PTPRO: variants seen among roughly 807,000 people sequenced by gnomAD.
The protein encoded by PTPRO is receptor-type tyrosine-protein phosphatase O.
In PTPRO, 62 loss-of-function variants were observed where a neutral mutation model predicts 145.2. The ratio of observed to expected loss-of-function variants is 0.43; its 90% CI spans 0.35 to 0.53. The LOEUF (loss-of-function observed/expected upper bound fraction) is 0.53, where lower values mean the gene tolerates loss of function less well. Among genes scored for constraint, PTPRO ranks in the 20% least tolerant of loss-of-function variants. The pLI is 0.01. For missense variants in PTPRO, 1,345 were observed against 1,482.7 expected (o/e 0.91, Z 1.53); for synonymous variants, 565 against 514.7 (o/e 1.10, Z -1.32).
chr12:15,530,626 C>A (rs7316088), intron 12 of PTPRO, among the ~76,000 whole-genome samples: 40 of 152,074 alleles, frequency 2.6e-4, no homozygotes, highest in Middle Eastern at 3.4e-3. Flanking sequence ...CCTGAACAAC[C>A]AATGAGTCAA....
intron 17 of PTPRO, among the ~76,000 whole-genome samples, chr12:15,564,999 T>C (rs903663149): frequency 3.9e-5 from 6 of 152,172 alleles, no homozygotes; most frequent in Admixed American, 1.3e-4. Context: ...TATAGACTAG[T>C]AATGATGAAG....
chr12:15,400,388 C>T (rs887914762), intron 1 of PTPRO, among the ~76,000 whole-genome samples: 1 of 152,146 alleles, frequency 6.6e-6, no homozygotes, highest in Admixed American at 6.5e-5. Context: ...CACCTTGTAC[C>T]GCTGTGCCTA....
rs147525126 is a variant in PTPRO at position 15,571,815 on chromosome 12, T to G, written c.2829+2317T>G. On this transcript the variant is annotated intron_variant, in intron 19 of 26. Transcript: ENST00000281171. ...CTAAATGGAACCATGTGGGCTCAAGTAGCAAAACCTAAGAAGGGCATTATC... is the reference window on the plus strand; with the variant it reads ...CTAAATGGAACCATGTGGGCTCAAGGAGCAAAACCTAAGAAGGGCATTATC... Among the ~76,000 whole-genome samples the G allele has an allele frequency of 4.4e-3, 666 of 152,168 alleles. 2 individuals are homozygous for G. The highest frequency in any genetic ancestry group is 6.7e-3 in the Non-Finnish European group (455 of 67,996).
At chr12:15,344,358 T>C (rs1439401208) in intron 1 of PTPRO, among the ~76,000 whole-genome samples, 1 of 152,234 alleles carries the variant, frequency 6.6e-6, no homozygotes, top group Non-Finnish European at 1.5e-5. Flanking sequence ...AGCACTCTTT[T>C]GCAAATAAAT....
chr12:15,490,123 G>C (rs923328859), intron 2 of PTPRO, among the ~76,000 whole-genome samples: 11 of 152,284 alleles, frequency 7.2e-5, no homozygotes, highest in Middle Eastern at 3.4e-3. Context: ...AATGGAGAAA[G>C]CTCTCTCTTG....
At chr12:15,467,202 T>C (rs1321673156) in intron 1 of PTPRO, among the ~76,000 whole-genome samples, 1 of 152,222 alleles carries the variant, frequency 6.6e-6, no homozygotes, top group Non-Finnish European at 1.5e-5. Context: ...GCTTCATCTC[T>C]GAGTCAATCA....
chr12:15,590,443 G>T (rs980783217), intron 25 of PTPRO, among the ~76,000 whole-genome samples: 30 of 152,192 alleles, frequency 2.0e-4, no homozygotes, highest in South Asian at 1.2e-3. Flanking sequence ...GGAGCGCTTG[G>T]GTAGAACACA....
intron 1 of PTPRO, among the ~76,000 whole-genome samples, chr12:15,463,871 G>T (rs1165414375): frequency 6.6e-6 from 1 of 152,204 alleles, no homozygotes; most frequent in Admixed American, 6.5e-5. Flanking sequence ...GGAGGGGTAG[G>T]CTGGACAGCC....
intron 17 of PTPRO, among the ~76,000 whole-genome samples, chr12:15,561,860 C>T (rs1021566918): frequency 6.6e-6 from 1 of 152,066 alleles, no homozygotes; most frequent in Non-Finnish European, 1.5e-5. Flanking sequence ...TTCCACAGTG[C>T]GTTTTTAAGC....
At chr12:15,538,231 T>C (rs1943105464) in intron 12 of PTPRO, among the ~76,000 whole-genome samples, 1 of 95,978 alleles carries the variant, frequency 1.0e-5, no homozygotes, top group Non-Finnish European at 2.3e-5. Context: ...CAAACCACTT[T>C]AGTGCTTCTT....
In PTPRO at chr12:15,366,953, T is replaced by A. The variant is rs531421712; in HGVS notation, c.75+44152T>A. On this transcript the variant is annotated intron_variant, in intron 1 of 26. Coordinates refer to ENST00000281171, the MANE Select transcript of PTPRO (RefSeq NM_030667.3). ...AATACAGGTACTCAAGGGAAAAAAA[T>A]GAAAGGTCACTCATTAGTAACAAAA... is the stretch of plus-strand genomic sequence containing the variant. 3.3e-5 allele frequency among the ~76,000 whole-genome samples: 5 copies of A among 152,010 alleles called. No homozygotes were observed. The East Asian group carries it at 9.7e-4, about 29-fold the overall frequency.
At chr12:15,476,201 G>A (rs987649584) in intron 1 of PTPRO, among the ~76,000 whole-genome samples, 7 of 152,096 alleles carry the variant, frequency 4.6e-5, no homozygotes, top group African/African-American at 1.4e-4. Context: ...CAATGCTGAT[G>A]AATTTTCCTT....
chr12:15,553,546 C>T (rs573868625), intron 15 of PTPRO, among the ~76,000 whole-genome samples: 19 of 152,154 alleles, frequency 1.2e-4, no homozygotes, highest in African/African-American at 3.1e-4. Flanking sequence ...GCAGAGGGGC[C>T]GTTGTGACTA....
At chr12:15,405,827 G>A (rs1462526336) in intron 1 of PTPRO, among the ~76,000 whole-genome samples, 1 of 152,152 alleles carries the variant, frequency 6.6e-6, no homozygotes, top group Non-Finnish European at 1.5e-5. Context: ...ATTTCATCGA[G>A]AGTGATGGAC....
chr12:15,420,517 C>A (rs1297382458), intron 1 of PTPRO, among the ~76,000 whole-genome samples: 1 of 151,676 alleles, frequency 6.6e-6, no homozygotes, highest in Admixed American at 6.6e-5. Flanking sequence ...TGTTCCTTCC[C>A]GTCTTACCAC....
chr12:15,430,145 T>G, intron 1 of PTPRO, among the ~76,000 whole-genome samples: 1 of 148,964 alleles, frequency 6.7e-6, no homozygotes, highest in East Asian at 2.0e-4. Flanking sequence ...AGATACAGAT[T>G]TGAGAGGTTT....
At chr12:15,558,054 C>G (rs1453038809) in intron 16 of PTPRO, among the ~76,000 whole-genome samples, 1 of 152,076 alleles carries the variant, frequency 6.6e-6, no homozygotes, top group Non-Finnish European at 1.5e-5. Flanking sequence ...TCCACCTCAG[C>G]CTCCCGAGTA....
Position 15,508,564 on chromosome 12 carries a change from T to A in PTPRO, c.1268-7T>A, listed in dbSNP as rs1390955705. 4 of 1,613,824 alleles carry A rather than the reference T, an allele frequency of 2.5e-6. No individual in the cohort carries two copies. The highest frequency in any genetic ancestry group is 3.4e-6 in the Non-Finnish European group (4 of 1,179,834). ...GCCTCCCCTGTGTTCCAATTTGAAA[T>A]GTGCAGGTCCTTCAGGAGAGTGGAT... is the stretch of plus-strand genomic sequence containing the variant. On this transcript the variant is annotated splice_polypyrimidine_tract_variant and splice_region_variant and intron_variant, in intron 6 of 26. Coordinates refer to ENST00000281171, the MANE Select transcript of PTPRO (RefSeq NM_030667.3).
chr12:15,595,185 G>C (rs772970167), intron 26 of PTPRO, 128 bp downstream of exon 26: 5 of 706,604 alleles, frequency 7.1e-6, no homozygotes, highest in Non-Finnish European at 1.3e-5. Context: ...TTTCTTCCCA[G>C]CTCCTGGCCT....
Sources: allele counts gnomAD v4.1 joint callset (sites outside exome capture counted in the v4.1 genomes callset), GRCh38; gene constraint gnomAD v4.1.1; transcripts MANE v1.5; gene names NCBI Gene and HGNC (gene_info 2026-07-23, HGNC 2026-07-21).